The following SPATA17 variants were observed in gnomAD, a reference collection of about 807,000 sequenced individuals.
SPATA17 encodes the protein spermatogenesis associated 17, also known as spermatogenesis-associated protein 17.
In SPATA17, 53 loss-of-function variants were observed where a neutral mutation model predicts 62.2. That is an observed-to-expected ratio of 0.85 (90% CI 0.68 to 1.07). The LOEUF is 1.07. Among genes scored for constraint, SPATA17 ranks in the 50% least tolerant of loss-of-function variants. The pLI, the probability that SPATA17 is intolerant of heterozygous loss-of-function variation, is 0.00. For missense variants in SPATA17, 466 were observed against 425.5 expected (o/e 1.10, Z -0.84); for synonymous variants, 146 against 146.8 (o/e 0.99, Z 0.04).
At chr1:217,838,209 C>T (rs1675305646) in intron 9 of SPATA17, among the ~76,000 whole-genome samples, 1 of 152,032 alleles carries the variant, frequency 6.6e-6, no homozygotes, top group African/African-American at 2.4e-5. Flanking sequence ...TTCTATTAGA[C>T]AGCACTGCTC....
intron 5 of SPATA17, among the ~76,000 whole-genome samples, chr1:217,702,723 T>A (rs1223629743): frequency 6.6e-6 from 1 of 152,206 alleles, no homozygotes; most frequent in Non-Finnish European, 1.5e-5. Context: ...CTGAAGGTAA[T>A]CCTTTGGCAT....
chr1:217,727,745 G>A (rs1403007593), intron 5 of SPATA17, among the ~76,000 whole-genome samples: 1 of 152,108 alleles, frequency 6.6e-6, no homozygotes, highest in Non-Finnish European at 1.5e-5. Context: ...ACATTTTATA[G>A]TCTCAAAGTC....
In SPATA17 at chr1:217,648,862, T is replaced by G; in HGVS notation, c.69-20T>G. On this transcript the variant is annotated intron_variant, in intron 1 of 10. Coordinates refer to ENST00000366933, the MANE Select transcript of SPATA17 (RefSeq NM_138796.4). The stretch of plus-strand genomic sequence containing the variant: ...TTATATTAGTTACTAATGAAGTGCT[T>G]TTTAAACATTTTGTTTTAGTGTTGT... 3.2e-6 allele frequency: 5 copies of G among 1,546,630 alleles called. No homozygotes were observed. The highest frequency in any genetic ancestry group is 4.4e-6 in the Non-Finnish European group (5 of 1,136,118).
At chr1:217,811,784 C>G (rs1392980536) in intron 9 of SPATA17, among the ~76,000 whole-genome samples, 1 of 151,786 alleles carries the variant, frequency 6.6e-6, no homozygotes, top group Non-Finnish European at 1.5e-5. Flanking sequence ...AACATAAAAT[C>G]TTAGAATTAT....
At chr1:217,837,488 G>A (rs1041044897) in intron 9 of SPATA17, among the ~76,000 whole-genome samples, 7 of 152,182 alleles carry the variant, frequency 4.6e-5, no homozygotes, top group Admixed American at 2.6e-4. Flanking sequence ...TGAAAATAGT[G>A]AAAGCATTTC....
chr1:217,668,987 CTTT>C, intron 3 of SPATA17, 43 bp from the exon 4 acceptor site: 1 of 1,526,312 alleles, frequency 6.6e-7, no homozygotes, highest in South Asian at 1.1e-5. Context: ...GCTGCACTGT[CTTT>C]GTGTAACTGA....
At chr1:217,659,724 T>G (rs1006088869) in intron 3 of SPATA17, among the ~76,000 whole-genome samples, 1 of 152,188 alleles carries the variant, frequency 6.6e-6, no homozygotes, top group African/African-American at 2.4e-5. Flanking sequence ...TTTCTTTTTT[T>G]CAGGTAAATA....
intron 9 of SPATA17, among the ~76,000 whole-genome samples, chr1:217,811,188 C>T (rs1373401047): frequency 2.6e-5 from 4 of 152,044 alleles, no homozygotes; most frequent in Non-Finnish European, 4.4e-5. Context: ...CATGCACCAC[C>T]ACACTCAGCT....
intron 9 of SPATA17, among the ~76,000 whole-genome samples, chr1:217,805,856 A>G (rs1487386042): frequency 6.6e-6 from 1 of 152,236 alleles, no homozygotes; most frequent in East Asian, 1.9e-4. Context: ...TAAAATGTCC[A>G]TACAACCAAA....
chr1:217,754,024 C>G (rs564460786), intron 6 of SPATA17, among the ~76,000 whole-genome samples: 26 of 152,038 alleles, frequency 1.7e-4, no homozygotes, highest in Non-Finnish European at 3.5e-4. Context: ...TCACTTAAGA[C>G]CAGGAGTTCA....
intron 5 of SPATA17, among the ~76,000 whole-genome samples, chr1:217,735,453 C>T (rs1476201954): frequency 6.6e-6 from 1 of 152,132 alleles, no homozygotes; most frequent in Non-Finnish European, 1.5e-5. Context: ...TCCCAAAGGC[C>T]CCACCTCCAA....
chr1:217,729,022 AAGGCAC>A (rs1672336278), intron 5 of SPATA17, among the ~76,000 whole-genome samples: 1 of 152,174 alleles, frequency 6.6e-6, no homozygotes, highest in African/African-American at 2.4e-5. Flanking sequence ...ACTTGTCAGG[AAGGCAC>A]TTTTAGTTTA....
intron 6 of SPATA17, among the ~76,000 whole-genome samples, chr1:217,749,977 C>CTA (rs1418795091): frequency 6.5e-3 from 232 of 35,528 alleles, no homozygotes; most frequent in Middle Eastern, 0.023. Flanking sequence ...CTCTCTCTCT[C>CTA]TCTCTCTCTA....
chr1:217,763,753 T>C (rs1673230015), intron 6 of SPATA17, among the ~76,000 whole-genome samples: 1 of 152,164 alleles, frequency 6.6e-6, no homozygotes, highest in South Asian at 2.1e-4. Flanking sequence ...TAGAAGCCTA[T>C]GGATTCAAGA....
chr1:217,764,178 C>T (rs1673243954), intron 6 of SPATA17, among the ~76,000 whole-genome samples: 1 of 152,072 alleles, frequency 6.6e-6, no homozygotes, highest in East Asian at 1.9e-4. Flanking sequence ...GACATATATC[C>T]ACCATAATAG....
chr1:217,750,797 C>A (rs1344453958), intron 6 of SPATA17, among the ~76,000 whole-genome samples: 2 of 152,198 alleles, frequency 1.3e-5, no homozygotes, highest in Admixed American at 6.5e-5. Flanking sequence ...AGCATGGGAT[C>A]TTTAGGATGA....
At position 217,717,794 on chromosome 1, in the gene SPATA17, G is replaced by C. The variant is rs111540706; in HGVS notation, c.396-24181G>C. On this transcript the variant is annotated intron_variant, in intron 5 of 10. Transcript: ENST00000366933. ...TGACCCTTTGAGCAAATTTCTGTGA[G>C]GAACAGATTAACTTGGACTAGAGGT... Among the ~76,000 whole-genome samples, 506 of 152,264 alleles carry C rather than the reference G, an allele frequency of 3.3e-3. 2 individuals carry two copies. Among genetic ancestry groups the C allele is most frequent in the African/African-American group, 0.012 (482 of 41,560 alleles).
intron 5 of SPATA17, among the ~76,000 whole-genome samples, chr1:217,703,174 C>CTTTTTTTTTTT (rs1203063860): frequency 0.028 from 2,938 of 105,122 alleles, 170 homozygotes; most frequent in Middle Eastern, 0.044. Context: ...TGCGCTCGGC[C>CTTTTTTTTTTT]TTTTTTTTTT....
At chr1:217,822,411 T>C (rs1335631843) in intron 9 of SPATA17, among the ~76,000 whole-genome samples, 4 of 151,490 alleles carry the variant, frequency 2.6e-5, no homozygotes, top group Admixed American at 2.6e-4. Flanking sequence ...CACGAGTTTG[T>C]CTTTTTCTTA....
Sources: allele counts gnomAD v4.1 joint callset (sites outside exome capture counted in the v4.1 genomes callset), GRCh38; gene constraint gnomAD v4.1.1; transcripts MANE v1.5; gene names NCBI Gene and HGNC (gene_info 2026-07-23, HGNC 2026-07-21).